The following CEP70 variants were observed in gnomAD, a reference collection of about 807,000 sequenced individuals.
The protein encoded by CEP70 is centrosomal protein 70.
A neutral mutation model predicts 90.9 loss-of-function variants in CEP70; 70 were observed. The ratio of observed to expected loss-of-function variants is 0.77; its 90% confidence interval spans 0.64 to 0.94. The LOEUF (loss-of-function observed/expected upper bound fraction) is 0.94. Ranked by LOEUF, CEP70 falls within the 40% of genes least tolerant of loss-of-function variation. The probability of loss-of-function intolerance (pLI) is 0.00; values close to 1 mark genes in which losing one functional copy is unlikely to be tolerated. For missense variants in CEP70, 648 were observed against 669.0 expected (o/e 0.97, Z 0.35); for synonymous variants, 220 against 228.3 (o/e 0.96, Z 0.33).
intron 11 of CEP70, among the ~76,000 whole-genome samples, chr3:138,521,689 C>T (rs576768730): frequency 5.3e-5 from 8 of 150,262 alleles, no homozygotes; most frequent in South Asian, 2.2e-4. Flanking sequence ...TCTGCCCGGC[C>T]GCCCCGTCTC....
At chr3:138,585,464 T>C (rs749492405) in intron 2 of CEP70, among the ~76,000 whole-genome samples, 1 of 152,192 alleles carries the variant, frequency 6.6e-6, no homozygotes, top group Non-Finnish European at 1.5e-5. Flanking sequence ...AATATCTATA[T>C]TACTCAAAGC....
chr3:138,532,647 C>G lies in CEP70; in HGVS notation c.636-77G>C, dbSNP rs544904489. On this transcript the variant is annotated intron_variant, in intron 7 of 17. Coordinates refer to ENST00000264982, the MANE Select transcript of CEP70 (RefSeq NM_024491.4). ...ATCTACTAGTTTCACCACATAATTT[C>G]AAATTACAGTGTAAAAGTAAGTACA... is the stretch of plus-strand genomic sequence containing the variant. 431 of 1,228,448 alleles carry G rather than the reference C, an allele frequency of 3.5e-4. 2 individuals are homozygous for G. The highest frequency in any genetic ancestry group is 6.2e-4 in the Middle Eastern group (3 of 4,872). 76.1% of individuals were successfully genotyped at this position (1,228,448 alleles called of 1,614,324 possible).
chr3:138,536,168 A>G (rs1197598161), intron 7 of CEP70, among the ~76,000 whole-genome samples: 1 of 152,130 alleles, frequency 6.6e-6, no homozygotes. Flanking sequence ...AGAGAAAAAA[A>G]GAAGGTGCTA....
chr3:138,579,022 T>C (rs1371718372), intron 2 of CEP70, among the ~76,000 whole-genome samples: 1 of 151,816 alleles, frequency 6.6e-6, no homozygotes, highest in South Asian at 2.1e-4. Flanking sequence ...TCTCCCCCAA[T>C]CCCCCGGTAA....
At chr3:138,551,544 A>G (rs1287145127) in intron 6 of CEP70, among the ~76,000 whole-genome samples, 1 of 152,072 alleles carries the variant, frequency 6.6e-6, no homozygotes, top group Non-Finnish European at 1.5e-5. Context: ...TCAGGAGTTC[A>G]AGATCAGCCT....
At chr3:138,515,763 G>A (rs9853998) in intron 11 of CEP70, among the ~76,000 whole-genome samples, 62,132 of 152,010 alleles carry the variant, frequency 0.41, 13,249 homozygotes, top group Non-Finnish European at 0.45. Context: ...ACATGTGTAC[G>A]TGTGTGTGTG....
intron 6 of CEP70, among the ~76,000 whole-genome samples, chr3:138,543,332 C>T (rs888183845): frequency 3.3e-5 from 5 of 152,326 alleles, no homozygotes; most frequent in Middle Eastern, 3.4e-3. Context: ...CTTGGGGGAA[C>T]CAAGGCAGTA....
chr3:138,550,072 A>G (rs1231334300), intron 6 of CEP70, among the ~76,000 whole-genome samples: 1 of 152,212 alleles, frequency 6.6e-6, no homozygotes, highest in East Asian at 1.9e-4. Context: ...AGCAGCCTTG[A>G]GCCCCAGACC....
intron 2 of CEP70, among the ~76,000 whole-genome samples, chr3:138,588,776 T>C (rs1276167096): frequency 6.6e-6 from 1 of 152,220 alleles, no homozygotes; most frequent in Admixed American, 6.5e-5. Flanking sequence ...ACAAAGACTG[T>C]ACACAAATGT....
At chr3:138,564,711 G>A (rs2040653959) in intron 6 of CEP70, among the ~76,000 whole-genome samples, 1 of 152,072 alleles carries the variant, frequency 6.6e-6, no homozygotes, top group South Asian at 2.1e-4. Context: ...AATAATAAGA[G>A]CTAATTATGA....
chr3:138,577,194 G>T (rs773448), intron 2 of CEP70, among the ~76,000 whole-genome samples: 115 of 151,488 alleles, frequency 7.6e-4, no homozygotes, highest in East Asian at 5.6e-3. Flanking sequence ...AGGGCCTGTC[G>T]TGGGGTGGGG....
At chr3:138,520,673 C>T (rs1200316957) in intron 11 of CEP70, among the ~76,000 whole-genome samples, 1 of 152,228 alleles carries the variant, frequency 6.6e-6, no homozygotes, top group Non-Finnish European at 1.5e-5. Flanking sequence ...CTCTGGGACA[C>T]ATTTAAAGCA....
At chr3:138,538,512 G>A (rs2038477881) in intron 6 of CEP70, among the ~76,000 whole-genome samples, 1 of 152,170 alleles carries the variant, frequency 6.6e-6, no homozygotes, top group Non-Finnish European at 1.5e-5. Flanking sequence ...CAGGTGAATT[G>A]TAAAGAACCT....
intron 6 of CEP70, among the ~76,000 whole-genome samples, chr3:138,553,193 A>G (rs2039744145): frequency 6.6e-6 from 1 of 152,094 alleles, no homozygotes; most frequent in Admixed American, 6.6e-5. Context: ...AAAAAAAAAA[A>G]TACCGGCTGG....
chr3:138,560,294 G>A lies in CEP70; in HGVS notation c.465+10024C>T, dbSNP rs368739642. Among the ~76,000 whole-genome samples, 4 of 152,110 alleles carry A rather than the reference G, an allele frequency of 2.6e-5. No homozygotes were observed. In the South Asian group the frequency reaches 8.3e-4, roughly 32 times the overall value. ...TTGCTCTACTAGCCAAGAGAAGCTG[G>A]GAGGGACTGTGCCGTGAGGAACAGT... On this transcript the variant is annotated intron_variant, in intron 6 of 17. Coordinates refer to ENST00000264982, the MANE Select transcript of CEP70 (RefSeq NM_024491.4).
chr3:138,572,893 C>T lies in CEP70; in HGVS notation c.35G>A (p.Ser12Asn), dbSNP rs35316028. The T allele has an allele frequency of 8.8e-4, 1,416 of 1,611,090 alleles. 8 individuals are homozygous for T. In the African/African-American group the frequency reaches 0.017, roughly 20 times the overall value. ...AGTCATGAGTCTGTCTGATGGTTGACTGGAATCCTGGGGTTTAGGGGCTAC... is the reference window on the plus strand; with the variant it reads ...AGTCATGAGTCTGTCTGATGGTTGATTGGAATCCTGGGGTTTAGGGGCTAC... ...FPVAPKPQDSSQPSDRLMTEK... is the reference protein window; with the variant it reads ...FPVAPKPQDSNQPSDRLMTEK... Residue 12 changes from serine (S) to asparagine (N), a missense_variant, in exon 3 of 18, where the codon AGT becomes AAT. By Grantham distance (46) the Ser-to-Asn change is conservative. Transcript: ENST00000264982.
chr3:138,522,043 C>T (rs539733016), intron 11 of CEP70, among the ~76,000 whole-genome samples: 7 of 152,220 alleles, frequency 4.6e-5, no homozygotes, highest in South Asian at 2.1e-4. Flanking sequence ...GGATTAAGGG[C>T]GGTGCAAGAT....
chr3:138,525,549 T>G lies in CEP70; in HGVS notation c.885A>C (p.Glu295Asp). 7.1e-7 allele frequency: 1 copy of G among 1,411,074 alleles called. No individual in the cohort carries two copies. The allele number at this position is 1,411,074 out of a possible 1,614,324, so 87.4% of individuals were successfully genotyped here. A position where few individuals can be genotyped will look rare whatever the true frequency, so the allele number is the denominator to read the frequency against. The stretch of plus-strand genomic sequence containing the variant: ...TCACCTGCTGTTTATAAAGTCTTAA[T>G]TCATGCTGCGTAGGCCTGTGGAAAA... The part of the protein sequence containing the change: ...KDLETRPTQH[E>D]LRLYKQQVKK... Residue 295 changes from glutamate to aspartate, a missense_variant, in exon 11 of 18, where the codon GAA becomes GAC. By Grantham distance (45) the Glu-to-Asp change is conservative. Transcript: ENST00000264982.
At chr3:138,558,143 T>C (rs1019839417) in intron 6 of CEP70, among the ~76,000 whole-genome samples, 2 of 152,190 alleles carry the variant, frequency 1.3e-5, no homozygotes, top group Non-Finnish European at 1.5e-5. Context: ...GGCAGGCGGA[T>C]TGCCTGAGGT....
Sources: gnomAD v4.1 joint callset for allele counts (sites outside exome capture counted in the v4.1 genomes callset) on GRCh38, gnomAD v4.1.1 for gene constraint, MANE v1.5 for transcripts, NCBI Gene and HGNC (gene_info 2026-07-23, HGNC 2026-07-21) for gene names.